The following MYO1E variants were observed in gnomAD, a reference collection of about 807,000 sequenced individuals.
MYO1E encodes the protein myosin IE, also known as unconventional myosin-Ie.
A neutral mutation model predicts 151.1 loss-of-function variants in MYO1E; 68 were observed. The observed-to-expected ratio is 0.45, with a 90% CI of 0.37 to 0.55. The LOEUF is 0.55. Among genes scored for constraint, MYO1E ranks in the 20% least tolerant of loss-of-function variants. The pLI, the probability that MYO1E is intolerant of heterozygous loss-of-function variation, is 0.00. For missense variants in MYO1E, 1,363 were observed against 1,389.3 expected (o/e 0.98, Z 0.30); for synonymous variants, 601 against 501.7 (o/e 1.20, Z -2.64).
chr15:59,150,868 C>T (rs1340243518), intron 26 of MYO1E, among the ~76,000 whole-genome samples: 1 of 152,170 alleles, frequency 6.6e-6, no homozygotes, highest in Non-Finnish European at 1.5e-5. Context: ...GGCCAGCAAG[C>T]TTTCCAGCGG....
intron 1 of MYO1E, among the ~76,000 whole-genome samples, chr15:59,308,259 G>A (rs1207507118): frequency 1.3e-5 from 2 of 149,310 alleles, no homozygotes; most frequent in Non-Finnish European, 3.0e-5. Flanking sequence ...AAATAGGCTG[G>A]GCATGGTGGC....
chr15:59,253,673 G>A lies in MYO1E; in HGVS notation c.332+2611C>T, dbSNP rs998969777. ...ATTTTTTGTATTTTAGTAGAGATGG[G>A]GTTTCACCATGTTGGCCAGGATGGT... On this transcript the variant is annotated intron_variant, in intron 4 of 27. Transcript: ENST00000288235. 1.2e-4 allele frequency among the ~76,000 whole-genome samples: 18 copies of A among 151,868 alleles called. 1 individual carries two copies. The highest frequency in any genetic ancestry group is 1.2e-3 in the Admixed American group (18 of 15,228).
intron 7 of MYO1E, among the ~76,000 whole-genome samples, chr15:59,227,027 T>G (rs1164925561): frequency 6.6e-6 from 1 of 152,206 alleles, no homozygotes; most frequent in Non-Finnish European, 1.5e-5. Flanking sequence ...GCAGGCAGGC[T>G]GAGGCCGGGC....
intron 1 of MYO1E, among the ~76,000 whole-genome samples, chr15:59,309,584 C>T (rs181145006): frequency 1.2e-4 from 18 of 152,296 alleles, no homozygotes; most frequent in Non-Finnish European, 2.6e-4. Flanking sequence ...TCAGGCTGGA[C>T]GACGGCCCTA....
rs142606715 is a variant in MYO1E, at chr15:59,328,278, C to T, written c.3+44220G>A. 5.6e-3 allele frequency among the ~76,000 whole-genome samples: 847 copies of T among 152,238 alleles called. 10 individuals are homozygous for T. Among genetic ancestry groups the T allele is most frequent in the Non-Finnish European group, 9.9e-3 (675 of 68,018 alleles). Reference sequence around the variant, plus strand: ...CTGGGGAAGTGACCTTCTGCTTAGTCCCGTCTACCTCCCAGAGTGTGGACC... The same window carrying T: ...CTGGGGAAGTGACCTTCTGCTTAGTTCCGTCTACCTCCCAGAGTGTGGACC... On this transcript the variant is annotated intron_variant, in intron 1 of 27. Coordinates refer to ENST00000288235, the MANE Select transcript of MYO1E (RefSeq NM_004998.4).
chr15:59,184,763 T>C (rs760031235), intron 18 of MYO1E, among the ~76,000 whole-genome samples: 5 of 152,218 alleles, frequency 3.3e-5, no homozygotes, highest in Non-Finnish European at 7.3e-5. Flanking sequence ...CGTGAACATA[T>C]CTCTTTGATA....
intron 1 of MYO1E, among the ~76,000 whole-genome samples, chr15:59,332,714 A>C (rs1371039683): frequency 1.4e-5 from 2 of 147,144 alleles, no homozygotes; most frequent in South Asian, 2.2e-4. Flanking sequence ...CTGGCGCTCT[A>C]TTTTTTTTTT....
At chr15:59,181,761 T>C (rs192284120) in intron 18 of MYO1E, among the ~76,000 whole-genome samples, 3 of 152,338 alleles carry the variant, frequency 2.0e-5, no homozygotes, top group African/African-American at 2.4e-5. Context: ...ACTTCCTATA[T>C]AGGGAGGGTG....
chr15:59,273,916 A>G (rs2080303269), intron 1 of MYO1E, among the ~76,000 whole-genome samples: 1 of 152,176 alleles, frequency 6.6e-6, no homozygotes, highest in Admixed American at 6.5e-5. Flanking sequence ...AATTCTAAAT[A>G]AGGGTATCTA....
At chr15:59,347,804 C>T (rs2140432983) in intron 1 of MYO1E, among the ~76,000 whole-genome samples, 1 of 152,134 alleles carries the variant, frequency 6.6e-6, no homozygotes, top group East Asian at 1.9e-4. Context: ...CCCCTCACAC[C>T]AGAAAAGTAA....
chr15:59,143,561 C>G (rs2079423550), intron 26 of MYO1E, among the ~76,000 whole-genome samples: 2 of 152,182 alleles, frequency 1.3e-5, no homozygotes, highest in Admixed American at 1.3e-4. Context: ...GGCTAGCAGA[C>G]AGGATGTCTT....
At chr15:59,162,442 A>G (rs554335490) in intron 23 of MYO1E, among the ~76,000 whole-genome samples, 1 of 152,172 alleles carries the variant, frequency 6.6e-6, no homozygotes, top group South Asian at 2.1e-4. Flanking sequence ...TTAGGAGTTC[A>G]AGACCAGCCT....
chr15:59,200,920 G>C (rs2079797590), intron 16 of MYO1E, among the ~76,000 whole-genome samples: 1 of 152,154 alleles, frequency 6.6e-6, no homozygotes, highest in Admixed American at 6.5e-5. Context: ...CCAGAGCTGA[G>C]ATTCGAACAC....
At chr15:59,264,078 GC>G (rs2080239515) in intron 2 of MYO1E, among the ~76,000 whole-genome samples, 1 of 152,094 alleles carries the variant, frequency 6.6e-6, no homozygotes, top group South Asian at 2.1e-4. Flanking sequence ...TGCAGATTGT[GC>G]TTTTTTTCAT....
chr15:59,206,655 G>A (rs543865223), intron 14 of MYO1E: 46 of 424,122 alleles, frequency 1.1e-4, no homozygotes, highest in Non-Finnish European at 1.7e-4. Context: ...AGGGATCTCG[G>A]TTAGCCTCTT....
chr15:59,133,958 A>C lies in MYO1E; in HGVS notation c.*3422T>G, dbSNP rs1398311298. ...CTCTATGGAAGCCCATGGAGTTTGT[A>C]ATTCATAAAGGCACATCCATATTTT... On this transcript the variant is annotated 3_prime_UTR_variant, in exon 28 of 28. Coordinates refer to ENST00000288235, the MANE Select transcript of MYO1E (RefSeq NM_004998.4). 6.6e-6 allele frequency: 1 copy of C among 152,216 alleles called. No homozygotes were observed. Among genetic ancestry groups the C allele is most frequent in the Admixed American group, 6.5e-5 (1 of 15,278 alleles). The allele number at this position is 152,216 out of a possible 1,614,324, so 9.4% of individuals were successfully genotyped here. A position where few individuals can be genotyped will look rare whatever the true frequency, so the allele number is the denominator to read the frequency against.
chr15:59,145,142 C>T (rs1566963472), intron 26 of MYO1E, among the ~76,000 whole-genome samples: 1 of 152,102 alleles, frequency 6.6e-6, no homozygotes, highest in African/African-American at 2.4e-5. Context: ...CGCATCCGGC[C>T]AGGAATGACT....
At chr15:59,169,109 T>C (rs529605534) in intron 22 of MYO1E, among the ~76,000 whole-genome samples, 5 of 152,338 alleles carry the variant, frequency 3.3e-5, no homozygotes, top group Admixed American at 2.0e-4. Context: ...AATAGGGAGC[T>C]GTAGGCCCAC....
chr15:59,273,702 C>T (rs1479103694), intron 1 of MYO1E, among the ~76,000 whole-genome samples: 4 of 149,450 alleles, frequency 2.7e-5, no homozygotes, highest in Non-Finnish European at 4.4e-5. Flanking sequence ...TTATAATCTA[C>T]ACTTATCAGC....
Sources: gnomAD v4.1 joint callset for allele counts (sites outside exome capture counted in the v4.1 genomes callset) on GRCh38, gnomAD v4.1.1 for gene constraint, MANE v1.5 for transcripts, NCBI Gene and HGNC (gene_info 2026-07-23, HGNC 2026-07-21) for gene names.